CDH13: variants seen among roughly 807,000 people sequenced by gnomAD.
CDH13 encodes the protein cadherin-13.
In CDH13, 24 loss-of-function variants were observed where a neutral mutation model predicts 63.8. The ratio of observed to expected loss-of-function variants is 0.38; its 90% CI spans 0.27 to 0.53. The LOEUF (loss-of-function observed/expected upper bound fraction) is 0.53, where lower values mean the gene tolerates loss of function less well. Among genes scored for constraint, CDH13 ranks in the 20% least tolerant of loss-of-function variants. CDH13 has a pLI of 0.85. For missense variants in CDH13, 1,049 were observed against 903.1 expected, an observed-to-expected ratio of 1.16 and a Z score of -2.07; for synonymous variants, 503 against 355.3, an observed-to-expected ratio of 1.42 and a Z score of -4.67.
In CDH13 at chr16:82,851,451, G is replaced by T. The variant is rs111690911; in HGVS notation, c.46-6911G>T. ...TTTCGTCTCAAAAAAAAAATAAAAA[G>T]AAAAAGAAAAAGAAAAAAGAAAGCA... On this transcript the variant is annotated intron_variant, in intron 1 of 13. Transcript: ENST00000567109. 4.3e-3 allele frequency among the ~76,000 whole-genome samples: 152 copies of T among 35,536 alleles called. 1 individual carries two copies. Among genetic ancestry groups the T allele is most frequent in the East Asian group, 8.8e-3 (36 of 4,080 alleles). The allele number at this position is 35,536 out of a possible 152,430, so 23.3% of individuals were successfully genotyped here. A position where few individuals can be genotyped will look rare whatever the true frequency, so the allele number is the denominator to read the frequency against.
intron 10 of CDH13, among the ~76,000 whole-genome samples, chr16:83,716,700 T>A (rs1450063544): frequency 6.6e-6 from 1 of 152,104 alleles, no homozygotes; most frequent in Non-Finnish European, 1.5e-5. Flanking sequence ...GCCGGGCTGG[T>A]CTCAAATCCC....
chr16:83,582,134 A>G (rs1905670309), intron 7 of CDH13, among the ~76,000 whole-genome samples: 1 of 152,158 alleles, frequency 6.6e-6, no homozygotes, highest in Non-Finnish European at 1.5e-5. Flanking sequence ...TAAGGGAAAA[A>G]GAGTAGCAGG....
intron 3 of CDH13, among the ~76,000 whole-genome samples, chr16:83,081,334 C>G (rs186537216): frequency 2.1e-4 from 32 of 152,188 alleles, no homozygotes; most frequent in Non-Finnish European, 3.7e-4. Context: ...CAGAGGCCTA[C>G]TAGTATACAG....
intron 8 of CDH13, among the ~76,000 whole-genome samples, chr16:83,627,022 C>T (rs1226997560): frequency 6.6e-6 from 1 of 152,072 alleles, no homozygotes; most frequent in Non-Finnish European, 1.5e-5. Context: ...GTGGCTCATG[C>T]CTGTAATCAT....
chr16:83,260,805 C>T (rs572289718), intron 5 of CDH13, among the ~76,000 whole-genome samples: 13 of 152,064 alleles, frequency 8.5e-5, no homozygotes, highest in Non-Finnish European at 1.9e-4. Context: ...AGTAAGCCTT[C>T]GATTGAATAT....
chr16:83,519,064 C>T (rs994289169), intron 7 of CDH13, among the ~76,000 whole-genome samples: 1 of 152,278 alleles, frequency 6.6e-6, no homozygotes, highest in South Asian at 2.1e-4. Flanking sequence ...CTAAACTTTA[C>T]CATTGTTCTT....
At chr16:83,013,940 G>C (rs1200689309) in intron 2 of CDH13, among the ~76,000 whole-genome samples, 1 of 152,116 alleles carries the variant, frequency 6.6e-6, no homozygotes, top group Non-Finnish European at 1.5e-5. Flanking sequence ...ATAACAGAAA[G>C]AAACATCAGC....
chr16:83,264,648 GTAAT>G (rs1907391462), intron 5 of CDH13, among the ~76,000 whole-genome samples: 1 of 151,514 alleles, frequency 6.6e-6, no homozygotes, highest in African/African-American at 2.4e-5. Context: ...AGAAATATAT[GTAAT>G]TAATATCAAA....
At chr16:83,400,529 A>G (rs908778765) in intron 6 of CDH13, among the ~76,000 whole-genome samples, 18 of 152,150 alleles carry the variant, frequency 1.2e-4, no homozygotes, top group Non-Finnish European at 1.8e-4. Context: ...GTTCTCCCCA[A>G]TGCTTTCAAG....
In CDH13 at chr16:82,816,584, C is replaced by A. The variant is rs1051683050; in HGVS notation, c.46-41778C>A. On this transcript the variant is annotated intron_variant, in intron 1 of 13. Transcript: ENST00000567109. ...CAAAGGAATGAAAGAGGTGCCAGGC[C>A]AAGGTAATAGTTCCTATAAAAATCC... 3.3e-5 allele frequency among the ~76,000 whole-genome samples: 5 copies of A among 151,910 alleles called. No homozygotes were observed. In the East Asian group the frequency reaches 9.7e-4, roughly 29 times the overall value.
intron 6 of CDH13, among the ~76,000 whole-genome samples, chr16:83,433,202 G>A (rs1000380227): frequency 6.6e-6 from 1 of 152,182 alleles, no homozygotes; most frequent in African/African-American, 2.4e-5. Context: ...GGACCAGAAA[G>A]GGGTTGCCCT....
chr16:83,309,579 G>C (rs566044923), intron 5 of CDH13, among the ~76,000 whole-genome samples: 14 of 152,102 alleles, frequency 9.2e-5, no homozygotes, highest in Non-Finnish European at 1.8e-4. Context: ...GTTTCACCAT[G>C]TTGGTCAGGC....
intron 5 of CDH13, among the ~76,000 whole-genome samples, chr16:83,309,380 CTTCT>C: frequency 7.9e-6 from 1 of 127,148 alleles, no homozygotes; most frequent in Middle Eastern, 4.4e-3. Context: ...CCCTCTCTCC[CTTCT>C]TTTTTTTTTG....
intron 3 of CDH13, among the ~76,000 whole-genome samples, chr16:83,117,750 G>A (rs939440178): frequency 2.6e-5 from 4 of 152,080 alleles, no homozygotes. Flanking sequence ...CTGCCTTCCT[G>A]TTTCCCTGGG....
intron 5 of CDH13, among the ~76,000 whole-genome samples, chr16:83,313,411 A>T (rs79842380): frequency 0.073 from 11,140 of 152,270 alleles, 573 homozygotes; most frequent in Non-Finnish European, 0.11. Flanking sequence ...TGTCATAAGC[A>T]TCATGCCCCT....
intron 2 of CDH13, among the ~76,000 whole-genome samples, chr16:82,998,921 T>A (rs1912554371): frequency 6.8e-6 from 1 of 147,916 alleles, no homozygotes; most frequent in Non-Finnish European, 1.5e-5. Context: ...CACCAACACT[T>A]TTCTTGTTAA....
intron 4 of CDH13, among the ~76,000 whole-genome samples, chr16:83,202,783 A>G (rs896595059): frequency 2.0e-5 from 3 of 152,188 alleles, no homozygotes; most frequent in African/African-American, 7.2e-5. Flanking sequence ...ATTTTATTAC[A>G]TTACTTTCTC....
intron 5 of CDH13, among the ~76,000 whole-genome samples, chr16:83,272,817 C>G (rs528535804): frequency 6.6e-6 from 1 of 152,264 alleles, no homozygotes; most frequent in Non-Finnish European, 1.5e-5. Flanking sequence ...TTGAGTGGTC[C>G]TAGGAGTTTC....
At chr16:83,390,154 C>G (rs1015992651) in intron 6 of CDH13, among the ~76,000 whole-genome samples, 3 of 152,172 alleles carry the variant, frequency 2.0e-5, no homozygotes, top group African/African-American at 7.2e-5. Context: ...TCTTCAGACC[C>G]TGAGTTTGGA....
Sources: gnomAD v4.1 joint callset for allele counts (sites outside exome capture counted in the v4.1 genomes callset) on GRCh38, gnomAD v4.1.1 for gene constraint, MANE v1.5 for transcripts, NCBI Gene and HGNC (gene_info 2026-07-23, HGNC 2026-07-21) for gene names.